DAPP1: variants seen among roughly 807,000 people sequenced by gnomAD.
DAPP1 encodes the protein dual adapter for phosphotyrosine and 3-phosphotyrosine and 3-phosphoinositide.
DAPP1 carries 20 observed loss-of-function variants against 41.5 expected under a neutral mutation model. The ratio of observed to expected loss-of-function variants is 0.48; its 90% CI spans 0.34 to 0.70. The LOEUF (loss-of-function observed/expected upper bound fraction) is 0.70, where lower values mean the gene tolerates loss of function less well. Among genes scored for constraint, DAPP1 ranks in the 30% least tolerant of loss-of-function variants. DAPP1 has a pLI of 0.01. For synonymous variants in DAPP1, 113 were observed against 116.2 expected, an observed-to-expected ratio of 0.97 and a Z score of 0.18; for missense variants, 233 against 333.4, an observed-to-expected ratio of 0.70 and a Z score of 2.35.
chr4:99,837,271 G>C (rs1265456892), intron 2 of DAPP1, among the ~76,000 whole-genome samples: 1 of 152,150 alleles, frequency 6.6e-6, no homozygotes, highest in African/African-American at 2.4e-5. Context: ...GTTTTTGATT[G>C]AATAATTGGG....
intron 1 of DAPP1, among the ~76,000 whole-genome samples, 160 bp from the exon 2 acceptor site, chr4:99,835,463 A>ACCCAGGGATTTCCTTGT (rs1723267550): frequency 6.6e-6 from 1 of 152,068 alleles, no homozygotes; most frequent in African/African-American, 2.4e-5. Flanking sequence ...TTTCAGCCCC[A>ACCCAGGGATTTCCTTGT]CCCAGGGATT....
intron 6 of DAPP1, 35 bp from the exon 7 acceptor site, chr4:99,863,735 T>TTA: frequency 8.0e-7 from 1 of 1,247,908 alleles, no homozygotes; most frequent in Admixed American, 2.6e-5. Context: ...TTTTTTTTTT[T>TTA]AATGGTGACA....
rs765235028 is a variant in DAPP1, at chr4:99,835,725, G to A, written c.204G>A (p.Gly68=). The stretch of plus-strand genomic sequence containing the variant: ...TGAGGGACAGCAATGAGACCACCGG[G>A]CTGTACTCTCTCTCTGTGAGGTAAG... ...YLLRDSNETT[G]LYSLSVRAKD... is the part of the protein sequence containing the mutation. Residue 68 remains glycine, a synonymous_variant, in exon 2 of 9, where the codon GGG becomes GGA. Coordinates refer to ENST00000512369, the MANE Select transcript of DAPP1 (RefSeq NM_014395.3). The A allele has an allele frequency of 1.1e-5, 17 of 1,613,766 alleles. No individual in the cohort carries two copies. The highest frequency in any genetic ancestry group is 3.3e-4 in the Middle Eastern group (2 of 6,084).
chr4:99,847,799 A>AGTTTGTTT (rs58645759), intron 3 of DAPP1, among the ~76,000 whole-genome samples: 18,413 of 150,746 alleles, frequency 0.12, 1,213 homozygotes, highest in East Asian at 0.19. Flanking sequence ...ACAGTAGATA[A>AGTTTGTTT]GTTTGTTTGT....
intron 1 of DAPP1, among the ~76,000 whole-genome samples, chr4:99,831,861 T>C (rs1213812507): frequency 6.6e-6 from 1 of 152,258 alleles, no homozygotes; most frequent in Non-Finnish European, 1.5e-5. Flanking sequence ...GATTATTTAT[T>C]TGAAACACAT....
chr4:99,866,734 A>T, intron 8 of DAPP1: 8 of 545,188 alleles, frequency 1.5e-5, no homozygotes, highest in South Asian at 2.5e-5. Context: ...TATAAATACC[A>T]TCTTAAAAAC....
intron 1 of DAPP1, among the ~76,000 whole-genome samples, chr4:99,825,548 C>T (rs1411228807): frequency 6.6e-6 from 1 of 152,224 alleles, no homozygotes; most frequent in Non-Finnish European, 1.5e-5. Context: ...AAGCCTGGGG[C>T]AGCTGGTCTC....
intron 3 of DAPP1, among the ~76,000 whole-genome samples, chr4:99,843,279 T>C (rs1335523809): frequency 2.0e-5 from 3 of 152,354 alleles, no homozygotes; most frequent in Non-Finnish European, 4.4e-5. Flanking sequence ...TGCAGTTATA[T>C]ATAATGCCTT....
intron 2 of DAPP1, among the ~76,000 whole-genome samples, chr4:99,838,215 GACAT>G (rs1723367816): frequency 6.6e-6 from 1 of 151,926 alleles, no homozygotes; most frequent in Non-Finnish European, 1.5e-5. Context: ...ATAAATCAAT[GACAT>G]ACATATTTCA....
chr4:99,830,299 C>T (rs776944323), intron 1 of DAPP1, among the ~76,000 whole-genome samples: 10 of 151,960 alleles, frequency 6.6e-5, no homozygotes, highest in African/African-American at 1.2e-4. Context: ...ACGAGAATTG[C>T]GTGAACCCAG....
In DAPP1 at chr4:99,869,731, A is replaced by T. The variant is rs1724581030; in HGVS notation, c.*1546A>T. 6.6e-6 allele frequency: 1 copy of T among 152,204 alleles called. No homozygotes were observed. Among genetic ancestry groups the T allele is most frequent in the Non-Finnish European group, 1.5e-5 (1 of 68,050 alleles). 9.4% of individuals were successfully genotyped at this position (152,204 alleles called of 1,614,324 possible). A position where few individuals can be genotyped will look rare whatever the true frequency, so the allele number is the denominator to read the frequency against. On this transcript the variant is annotated 3_prime_UTR_variant, in exon 9 of 9. Transcript: ENST00000512369. ...GATCACTTGAGGTCAGGAGTTCAAC[A>T]TCAGCCTGGCCAACATGATGAAACC...
At chr4:99,836,583 T>C (rs1723306229) in intron 2 of DAPP1, among the ~76,000 whole-genome samples, 1 of 152,202 alleles carries the variant, frequency 6.6e-6, no homozygotes, top group South Asian at 2.1e-4. Context: ...CCATATACCC[T>C]GGAGAGTCAC....
Position 99,835,706 on chromosome 4 carries a change from A to G in DAPP1, c.185A>G (p.Asp62Gly), listed in dbSNP as rs1578356067. 2 of 1,613,780 alleles carry G rather than the reference A, an allele frequency of 1.2e-6. No homozygotes were observed. The highest frequency in any genetic ancestry group is 1.7e-6 in the Non-Finnish European group (2 of 1,179,796). The part of the protein sequence containing the change: ...NGCDGSYLLR[D>G]SNETTGLYSL... ...TGTGACGGCAGCTACCTTCTGAGGG[A>G]CAGCAATGAGACCACCGGGCTGTAC... Residue 62 changes from aspartate to glycine, a missense_variant, in exon 2 of 9, where the codon GAC becomes GGC. Transcript: ENST00000512369.
intron 4 of DAPP1, among the ~76,000 whole-genome samples, chr4:99,858,297 G>A (rs1724117458): frequency 6.6e-6 from 1 of 152,208 alleles, no homozygotes; most frequent in Admixed American, 6.5e-5. Context: ...TGACACATCT[G>A]AAATTAAAGA....
At chr4:99,833,950 C>T (rs6813099) in intron 1 of DAPP1, among the ~76,000 whole-genome samples, 41,900 of 152,022 alleles carry the variant, frequency 0.28, 6,102 homozygotes, top group African/African-American at 0.37. Flanking sequence ...TGGCCTATGC[C>T]GTATGCCTAT....
In DAPP1 at chr4:99,868,134, G is replaced by A; in HGVS notation, c.792G>A (p.Gln264=). The A allele has an allele frequency of 6.2e-7, 1 of 1,613,758 alleles. No homozygotes were observed. The highest frequency in any genetic ancestry group is 8.5e-7 in the Non-Finnish European group (1 of 1,179,796). ...TATTACAGTCACAAATAAGAAAACA[G>A]CTCAACCAAGGGGAAGGCACGATCC... The part of the protein sequence containing the change: ...LRWKLSQIRK[Q]LNQGEGTIRS... The change falls in exon 9 of 9, where the codon CAG becomes CAA. Residue 264 remains glutamine (Q), a synonymous_variant. Coordinates refer to ENST00000512369, the MANE Select transcript of DAPP1 (RefSeq NM_014395.3).
At chr4:99,830,121 G>A (rs578164290) in intron 1 of DAPP1, among the ~76,000 whole-genome samples, 7 of 152,250 alleles carry the variant, frequency 4.6e-5, no homozygotes, top group Admixed American at 2.0e-4. Context: ...AGTGGCTCAC[G>A]CCTGTAATCC....
At chr4:99,829,493 A>G (rs1177039458) in intron 1 of DAPP1, among the ~76,000 whole-genome samples, 1 of 152,064 alleles carries the variant, frequency 6.6e-6, no homozygotes, top group Non-Finnish European at 1.5e-5. Context: ...AAAAAAAAAG[A>G]AAGTTTTTTT....
intron 3 of DAPP1, among the ~76,000 whole-genome samples, chr4:99,846,790 T>A (rs17029592): frequency 0.042 from 6,371 of 152,300 alleles, 287 homozygotes; most frequent in East Asian, 0.24. Context: ...ACTGACTAAC[T>A]GGTATGTCTC....
Sources: allele counts gnomAD v4.1 joint callset (sites outside exome capture counted in the v4.1 genomes callset), GRCh38; gene constraint gnomAD v4.1.1; transcripts MANE v1.5; gene names NCBI Gene and HGNC (gene_info 2026-07-23, HGNC 2026-07-21).